The following MAF variants were observed in gnomAD, a reference collection of about 807,000 sequenced individuals.
MAF encodes transcription factor Maf.
A neutral mutation model predicts 22.0 loss-of-function variants in MAF; 10 were observed. That is an observed-to-expected ratio of 0.45 (90% CI 0.28 to 0.77). The LOEUF is 0.77. Ranked by LOEUF, MAF falls within the 30% of genes least tolerant of loss-of-function variation. The pLI, the probability that MAF is intolerant of heterozygous loss-of-function variation, is 0.12. For synonymous variants in MAF, 337 were observed against 255.8 expected, an observed-to-expected ratio of 1.32 and a Z score of -3.03; for missense variants, 544 against 548.4, an observed-to-expected ratio of 0.99 and a Z score of 0.08.
the MAF span, among the ~76,000 whole-genome samples, chr16:79,376,618 C>T: frequency 1.3e-5 from 2 of 152,032 alleles, no homozygotes; most frequent in African/African-American, 4.8e-5. Context: ...TGTTGGTTTG[C>T]TGCACCCATT....
At chr16:79,493,457 G>C in the MAF span, among the ~76,000 whole-genome samples, 1 of 152,160 alleles carries the variant, frequency 6.6e-6, no homozygotes. Flanking sequence ...TGGGATTACA[G>C]GAATGAGCCA....
chr16:79,230,107 A>C, the MAF span, among the ~76,000 whole-genome samples: 4 of 152,176 alleles, frequency 2.6e-5, 1 homozygote, highest in Admixed American at 2.0e-4. Flanking sequence ...GGTTGTAAAC[A>C]CATACATGCT....
the MAF span, among the ~76,000 whole-genome samples, chr16:79,490,055 C>T: frequency 1.3e-5 from 2 of 152,146 alleles, no homozygotes; most frequent in Non-Finnish European, 2.9e-5. Flanking sequence ...ACGGGTGTGT[C>T]TAAGTGTCTA....
At chr16:79,348,387 T>C in the MAF span, among the ~76,000 whole-genome samples, 1 of 152,218 alleles carries the variant, frequency 6.6e-6, no homozygotes, top group Non-Finnish European at 1.5e-5. Flanking sequence ...GTTTACAGCC[T>C]CTTCTGTCTC....
chr16:79,354,257 G>T, the MAF span, among the ~76,000 whole-genome samples: 20 of 152,098 alleles, frequency 1.3e-4, no homozygotes, highest in Non-Finnish European at 2.6e-4. Flanking sequence ...CTCCCAAAGT[G>T]CTGGGATTAC....
chr16:79,263,651 T>A, the MAF span, among the ~76,000 whole-genome samples: 9 of 152,232 alleles, frequency 5.9e-5, no homozygotes, highest in African/African-American at 2.2e-4. Context: ...ACCATAGGGT[T>A]TTTAAACCTG....
At chr16:79,317,930 TCACTCACTCAC>T in the MAF span, among the ~76,000 whole-genome samples, 379 of 150,226 alleles carry the variant, frequency 2.5e-3, 2 homozygotes, top group African/African-American at 8.9e-3. Flanking sequence ...ACTCACTCAC[TCACTCACTCAC>T]TCACTCACTC....
chr16:79,570,500 C>G, the MAF span, among the ~76,000 whole-genome samples: 1 of 152,224 alleles, frequency 6.6e-6, no homozygotes, highest in Non-Finnish European at 1.5e-5. Context: ...CCACAGCCAT[C>G]TCTAACTTCT....
the MAF span, among the ~76,000 whole-genome samples, chr16:79,507,184 G>A: frequency 0.01 from 1,526 of 150,506 alleles, 17 homozygotes; most frequent in Non-Finnish European, 0.016. Context: ...CGTGATCTCG[G>A]CCCACTGCAA....
chr16:79,281,306 G>A, the MAF span, among the ~76,000 whole-genome samples: 1 of 151,588 alleles, frequency 6.6e-6, no homozygotes, highest in African/African-American at 2.4e-5. Context: ...CTAGGGGGAT[G>A]ATCGTGAAAG....
the MAF span, among the ~76,000 whole-genome samples, chr16:79,209,777 C>T: frequency 6.6e-6 from 1 of 152,140 alleles, no homozygotes; most frequent in Non-Finnish European, 1.5e-5. Flanking sequence ...CCCTTTTCCC[C>T]ACATGGGATG....
At chr16:79,445,971 G>A in the MAF span, among the ~76,000 whole-genome samples, 112 of 152,176 alleles carry the variant, frequency 7.4e-4, 3 homozygotes, top group East Asian at 0.021. Flanking sequence ...ATCTCTCATA[G>A]CAAGCCTTTC....
At chr16:79,340,184 C>T in the MAF span, among the ~76,000 whole-genome samples, 1 of 151,992 alleles carries the variant, frequency 6.6e-6, no homozygotes, top group Non-Finnish European at 1.5e-5. Flanking sequence ...ATACCTGCCC[C>T]TCCTTCCCTG....
the MAF span, among the ~76,000 whole-genome samples, chr16:79,580,789 G>A: frequency 6.7e-6 from 1 of 149,136 alleles, no homozygotes; most frequent in African/African-American, 2.5e-5. Flanking sequence ...AGGTAATGGT[G>A]AGAAACTGTT....
chr16:79,462,685 G>A, the MAF span, among the ~76,000 whole-genome samples: 7 of 152,112 alleles, frequency 4.6e-5, no homozygotes, highest in Admixed American at 2.6e-4. Context: ...AGGGAATTTC[G>A]TCCACTTGGG....
At chr16:79,532,751 G>A in the MAF span, among the ~76,000 whole-genome samples, 3 of 152,294 alleles carry the variant, frequency 2.0e-5, no homozygotes, top group South Asian at 6.2e-4. Flanking sequence ...TTTGTGTAGT[G>A]CCAGGCCTAG....
downstream of MAF, chr16:79,585,717 G>A (rs1364537179): frequency 1.1e-5 from 6 of 548,806 alleles, no homozygotes; most frequent in East Asian, 3.0e-5. Context: ...TACATGACAC[G>A]TGAAACCCAA....
chr16:79,456,575 A>C, the MAF span, among the ~76,000 whole-genome samples: 1 of 152,296 alleles, frequency 6.6e-6, no homozygotes, highest in South Asian at 2.1e-4. Flanking sequence ...CCATGCTCAG[A>C]GTATGGGAGA....
At chr16:79,398,898 AG>A in the MAF span, among the ~76,000 whole-genome samples, 3 of 152,172 alleles carry the variant, frequency 2.0e-5, no homozygotes, top group Non-Finnish European at 4.4e-5. Flanking sequence ...AATACATCCT[AG>A]CCCCATGGCT....
Sources: gnomAD v4.1 joint callset for allele counts (sites outside exome capture counted in the v4.1 genomes callset) on GRCh38, gnomAD v4.1.1 for gene constraint, MANE v1.5 for transcripts, NCBI Gene and HGNC (gene_info 2026-07-23, HGNC 2026-07-21) for gene names.